Variants in BRSK2 observed in about 807,000 individuals in gnomAD.
BRSK2 encodes serine/threonine-protein kinase BRSK2.
Under a neutral mutation model 83.3 loss-of-function variants are expected in BRSK2, and 19 were observed. The observed-to-expected ratio is 0.23, with a 90% CI of 0.16 to 0.33. The LOEUF is 0.33. Among genes scored for constraint, BRSK2 ranks in the 10% least tolerant of loss-of-function variants. BRSK2 has a pLI of 1.00. For missense variants in BRSK2, 798 were observed against 1,042.3 expected, an observed-to-expected ratio of 0.77 and a Z score of 3.23; for synonymous variants, 519 against 435.4, an observed-to-expected ratio of 1.19 and a Z score of -2.39.
chr11:1,446,918 G>A (rs1852221160), intron 12 of BRSK2, among the ~76,000 whole-genome samples: 1 of 152,138 alleles, frequency 6.6e-6, no homozygotes, highest in Admixed American at 6.5e-5. Flanking sequence ...GGACAGGCGT[G>A]GCCTGTTCCT....
chr11:1,436,737 C>G (rs1252954897), intron 2 of BRSK2, among the ~76,000 whole-genome samples: 1 of 152,042 alleles, frequency 6.6e-6, no homozygotes, highest in East Asian at 1.9e-4. Flanking sequence ...CACAGTGGGA[C>G]CTGGGCTGGC....
chr11:1,449,029 G>T (rs940944154), intron 12 of BRSK2, among the ~76,000 whole-genome samples: 3 of 152,238 alleles, frequency 2.0e-5, no homozygotes, highest in Admixed American at 2.0e-4. Context: ...TTCCTCCAAG[G>T]ATGGCAGCTG....
Position 1,460,815 on chromosome 11 carries a change from G to A in BRSK2, c.*92G>A, listed in dbSNP as rs1293798060. The A allele has an allele frequency of 1.8e-5, 26 of 1,465,354 alleles. No homozygotes were observed. Among genetic ancestry groups the A allele is most frequent in the Admixed American group, 5.5e-5 (2 of 36,100 alleles). The allele number at this position is 1,465,354 out of a possible 1,614,324, so 90.8% of individuals were successfully genotyped here. A position where few individuals can be genotyped will look rare whatever the true frequency, so the allele number is the denominator to read the frequency against. The stretch of plus-strand genomic sequence containing the variant: ...CCCCGAGTGGACCCGCGGCCGCGCC[G>A]CCCGTCCGTCCAGACTGTTCTCAGA... On this transcript the variant is annotated 3_prime_UTR_variant, in exon 20 of 20. Coordinates refer to ENST00000528841, the MANE Select transcript of BRSK2 (RefSeq NM_001256627.2).
intron 1 of BRSK2, among the ~76,000 whole-genome samples, chr11:1,419,157 C>G (rs1175311082): frequency 1.0e-3 from 136 of 132,646 alleles, no homozygotes; most frequent in Middle Eastern, 8.2e-3. Context: ...GCGGGGGGGG[C>G]CTTTGCTCAG....
At chr11:1,426,882 G>T (rs1271226314) in intron 1 of BRSK2, among the ~76,000 whole-genome samples, 1 of 152,100 alleles carries the variant, frequency 6.6e-6, no homozygotes, top group East Asian at 1.9e-4. Flanking sequence ...TATGAAACGG[G>T]ACCACTCCGC....
intron 8 of BRSK2, 103 bp downstream of exon 8, chr11:1,443,738 C>A: frequency 7.4e-7 from 1 of 1,358,500 alleles, no homozygotes; most frequent in South Asian, 1.5e-5. Flanking sequence ...GTGTGGGCAC[C>A]CAGGTGTGTG....
intron 19 of BRSK2, among the ~76,000 whole-genome samples, chr11:1,459,795 G>GCCCCCAGC: frequency 6.6e-6 from 1 of 152,120 alleles, no homozygotes; most frequent in South Asian, 2.1e-4. Flanking sequence ...CTAGCTGCTT[G>GCCCCCAGC]CCCCCAGCCC....
intron 15 of BRSK2, among the ~76,000 whole-genome samples, chr11:1,451,854 C>T (rs760750112): frequency 3.2e-4 from 48 of 152,272 alleles, no homozygotes; most frequent in Non-Finnish European, 6.3e-4. Flanking sequence ...CTGGCCCCGC[C>T]GCCTTTCTGA....
intron 1 of BRSK2, among the ~76,000 whole-genome samples, chr11:1,414,095 G>A (rs1168624428): frequency 6.6e-6 from 1 of 152,230 alleles, no homozygotes; most frequent in Non-Finnish European, 1.5e-5. Flanking sequence ...AAAAGGAAGA[G>A]TTTGCCTTCA....
chr11:1,391,974 G>T (rs1158598569), intron 1 of BRSK2, among the ~76,000 whole-genome samples: 2 of 152,150 alleles, frequency 1.3e-5, no homozygotes, highest in African/African-American at 2.4e-5. Context: ...AAAAGGATGG[G>T]CTGTGTGTGT....
rs1011803557 is a variant in BRSK2, at chr11:1,454,763, C to T, written c.1668+155C>T. On this transcript the variant is annotated intron_variant, in intron 16 of 19. Transcript: ENST00000528841. This position sits in a 1 kb window ranked among gnomAD's most constrained non-coding sequence, Gnocchi z 5.2. ...GGCCTGCCTGGCCGCCTTCACTGGA[C>T]AGGCGCTCTCTCCTGCCCACCCTCG... 6.6e-6 allele frequency among the ~76,000 whole-genome samples: 1 copy of T among 152,192 alleles called. No individual in the cohort carries two copies. The highest frequency in any genetic ancestry group is 1.5e-5 in the Non-Finnish European group (1 of 68,042).
chr11:1,415,252 G>A (rs187436434), intron 1 of BRSK2, among the ~76,000 whole-genome samples: 216 of 151,936 alleles, frequency 1.4e-3, no homozygotes, highest in Non-Finnish European at 2.3e-3. Context: ...TCACCACCAC[G>A]CCTGGCTAAT....
intron 1 of BRSK2, among the ~76,000 whole-genome samples, chr11:1,419,415 G>A (rs971206984): frequency 2.6e-5 from 4 of 152,186 alleles, no homozygotes; most frequent in Admixed American, 6.5e-5. Flanking sequence ...GTCTCTCTAT[G>A]TCTTTCTGTT....
chr11:1,405,988 AG>A (rs1846850142), intron 1 of BRSK2, among the ~76,000 whole-genome samples: 1 of 151,746 alleles, frequency 6.6e-6, no homozygotes, highest in Non-Finnish European at 1.5e-5. Context: ...AAGCCCCCAC[AG>A]GCTCCTAAAC....
Position 1,423,327 on chromosome 11 carries a change from C to T in BRSK2, c.92-12713C>T, listed in dbSNP as rs1001350394. ...TTGAGGCTAGGGGTGAGTTCGAGAC[C>T]TCGTAAATACTTCAGTGCAGAGCCT... On this transcript the variant is annotated intron_variant, in intron 1 of 19. Coordinates refer to ENST00000528841, the MANE Select transcript of BRSK2 (RefSeq NM_001256627.2). This position sits in a 1 kb window ranked among gnomAD's most constrained non-coding sequence, Gnocchi z 6.5. 2.6e-5 allele frequency among the ~76,000 whole-genome samples: 4 copies of T among 152,104 alleles called. No individual in the cohort carries two copies. The highest frequency in any genetic ancestry group is 9.7e-5 in the African/African-American group (4 of 41,412).
intron 19 of BRSK2, among the ~76,000 whole-genome samples, chr11:1,459,803 C>CCCCCCAGCCTG (rs1847181198): frequency 6.6e-6 from 1 of 152,146 alleles, no homozygotes; most frequent in Non-Finnish European, 1.5e-5. Flanking sequence ...TTGCCCCCAG[C>CCCCCCAGCCTG]CCCCCAGCCT....
intron 1 of BRSK2, among the ~76,000 whole-genome samples, chr11:1,400,503 C>G (rs1008594700): frequency 6.6e-6 from 1 of 152,218 alleles, no homozygotes; most frequent in East Asian, 1.9e-4. Flanking sequence ...CCCTGTATAG[C>G]GGCCGTGGGT....
At chr11:1,396,326 G>A (rs889105035) in intron 1 of BRSK2, among the ~76,000 whole-genome samples, 1 of 151,890 alleles carries the variant, frequency 6.6e-6, no homozygotes, top group Non-Finnish European at 1.5e-5. Flanking sequence ...AGGACTGCAT[G>A]GGGCCAGCAA....
intron 1 of BRSK2, among the ~76,000 whole-genome samples, chr11:1,429,344 G>C (rs1849680013): frequency 1.4e-5 from 2 of 142,946 alleles, no homozygotes; most frequent in Admixed American, 1.4e-4. Context: ...TGTCCTGGGT[G>C]CATGTGCACT....
Sources: gnomAD v4.1 joint callset for allele counts (sites outside exome capture counted in the v4.1 genomes callset) on GRCh38, gnomAD v4.1.1 for gene constraint, Gnocchi (gnomAD v3.1) non-coding constraint, MANE v1.5 for transcripts, NCBI Gene and HGNC (gene_info 2026-07-23, HGNC 2026-07-21) for gene names.